Variants in SPAG7 observed in about 807,000 individuals in gnomAD.
SPAG7 encodes sperm-associated antigen 7.
Under a neutral mutation model 30.6 loss-of-function variants are expected in SPAG7, and 20 were observed. That is an observed-to-expected ratio of 0.65 (90% CI 0.46 to 0.95). The LOEUF (loss-of-function observed/expected upper bound fraction) is 0.95. Among genes scored for constraint, SPAG7 ranks in the 40% least tolerant of loss-of-function variants. SPAG7 has a pLI of 0.00. For synonymous variants in SPAG7, 127 were observed against 104.2 expected (o/e 1.22, Z -1.33); for missense variants, 276 against 291.1 (o/e 0.95, Z 0.38).
intron 1 of SPAG7, among the ~76,000 whole-genome samples, chr17:4,964,294 C>T (rs2151148623): frequency 1.3e-5 from 2 of 151,404 alleles, no homozygotes; most frequent in East Asian, 3.9e-4. Flanking sequence ...GTGCATGCTT[C>T]TTCCTACTCC....
At chr17:4,967,658 A>G in intron 1 of SPAG7, 62 bp downstream of exon 1, 1 of 1,288,310 alleles carries the variant, frequency 7.8e-7, no homozygotes, top group Non-Finnish European at 1.1e-6. Context: ...TCGTCCAAAG[A>G]GGGAGAAGTA....
intron 1 of SPAG7, chr17:4,966,829 G>A (rs886530914): frequency 1.0e-6 from 1 of 985,512 alleles, no homozygotes; most frequent in Non-Finnish European, 1.2e-6. Flanking sequence ...AGCGGCCCTT[G>A]AATACTTGGA....
intron 1 of SPAG7, among the ~76,000 whole-genome samples, chr17:4,963,650 G>C (rs528303441): frequency 3.8e-4 from 57 of 151,900 alleles, no homozygotes; most frequent in Non-Finnish European, 7.1e-4. Context: ...GTAGAGATGG[G>C]GTTTCACCAT....
At chr17:4,967,492 G>A (rs144958795) in intron 1 of SPAG7, among the ~76,000 whole-genome samples, 2 of 152,280 alleles carry the variant, frequency 1.3e-5, no homozygotes, top group Non-Finnish European at 2.9e-5. Flanking sequence ...GACTGCGGAA[G>A]GCCAGGGTCG....
At chr17:4,966,980 G>A (rs989512171) in intron 1 of SPAG7, 3 of 985,470 alleles carry the variant, frequency 3.0e-6, no homozygotes, top group South Asian at 9.3e-5. Context: ...AGCAGCCCCG[G>A]GGAGGCTCCC....
At chr17:4,960,646 C>T in intron 2 of SPAG7, 99 bp from the exon 3 acceptor site, 14 of 1,338,648 alleles carry the variant, frequency 1.0e-5, no homozygotes, top group Non-Finnish European at 1.5e-5. Flanking sequence ...CCCCAGCACC[C>T]TCCCCAGCCT....
rs780594411 is a variant in SPAG7 at position 4,960,192 on chromosome 17, T to G, written c.327+42A>C. 19 of 1,604,900 alleles carry G rather than the reference T, an allele frequency of 1.2e-5. No individual in the cohort carries two copies. The Admixed American group carries it at 2.7e-4, about 23-fold the overall frequency. ...CTTGGTCGGGGAGGGGGGATAAGGCTACAAAGGGGAGAGGAGAGAATGAGG... is the reference window on the plus strand; with the variant it reads ...CTTGGTCGGGGAGGGGGGATAAGGCGACAAAGGGGAGAGGAGAGAATGAGG... On this transcript the variant is annotated intron_variant, in intron 4 of 6. Transcript: ENST00000206020.
chr17:4,967,230 A>T, intron 1 of SPAG7: 1 of 996,090 alleles, frequency 1.0e-6, no homozygotes, highest in Non-Finnish European at 1.2e-6. Context: ...GCAAGAACAC[A>T]CAGAGGACCC....
At chr17:4,960,183 G>A (rs1158777097) in intron 4 of SPAG7, 51 bp downstream of exon 4, 15 of 1,600,154 alleles carry the variant, frequency 9.4e-6, no homozygotes, top group Non-Finnish European at 1.1e-5. Context: ...CGGGGAGGGG[G>A]GATAAGGCTA....
Position 4,960,252 on chromosome 17 carries a change from A to G in SPAG7, c.309T>C (p.Tyr103=). Residue 103 remains tyrosine, a synonymous_variant, in exon 4 of 7, where the codon TAT becomes TAC. Coordinates refer to ENST00000206020, the MANE Select transcript of SPAG7 (RefSeq NM_004890.3). ...CCTTTACCTTTTTGAAGATCATGAC[A>G]TAGCGACAGTCATCATCTTCCCCAA... is the stretch of plus-strand genomic sequence containing the variant. ...FSFGEDDDCR[Y]VMIFKKEFAP... is the part of the protein sequence containing the mutation. 1 of 1,614,126 alleles carries G rather than the reference A, an allele frequency of 6.2e-7. No homozygotes were observed. The highest frequency in any genetic ancestry group is 8.5e-7 in the Non-Finnish European group (1 of 1,179,978).
At chr17:4,964,455 G>A (rs557949764) in intron 1 of SPAG7, among the ~76,000 whole-genome samples, 25 of 147,894 alleles carry the variant, frequency 1.7e-4, no homozygotes, top group Admixed American at 1.0e-3. Context: ...TCCGCCTCCC[G>A]GGTTCACGCC....
intron 4 of SPAG7, 56 bp downstream of exon 4, chr17:4,960,178 A>AG (rs747647823): frequency 4.4e-6 from 7 of 1,597,974 alleles, no homozygotes; most frequent in African/African-American, 1.3e-5. Context: ...TTGGTCGGGG[A>AG]GGGGGGATAA....
chr17:4,959,963 C>A, intron 5 of SPAG7, 47 bp from the exon 6 acceptor site: 4 of 1,613,164 alleles, frequency 2.5e-6, no homozygotes, highest in Non-Finnish European at 3.4e-6. Flanking sequence ...CCAGCCCAAA[C>A]CCCCACCCCT....
chr17:4,967,664 A>C (rs1251971744), intron 1 of SPAG7, 56 bp downstream of exon 1: 5 of 1,333,030 alleles, frequency 3.8e-6, no homozygotes, highest in Non-Finnish European at 5.4e-6. Context: ...AAAGAGGGAG[A>C]AGTATGGTCC....
intron 1 of SPAG7, among the ~76,000 whole-genome samples, chr17:4,967,369 A>G (rs1283648611): frequency 6.6e-6 from 1 of 152,162 alleles, no homozygotes; most frequent in Non-Finnish European, 1.5e-5. Flanking sequence ...CCTAAATCCA[A>G]TCGAAATAGA....
At chr17:4,959,680 T>C (rs1281428558) in intron 6 of SPAG7, 37 bp from the exon 7 acceptor site, 26 of 1,613,022 alleles carry the variant, frequency 1.6e-5, no homozygotes, top group African/African-American at 2.7e-5. Context: ...GGCCTAGAAA[T>C]CCGTACCTCA....
intron 1 of SPAG7, among the ~76,000 whole-genome samples, chr17:4,961,950 T>C (rs955939378): frequency 6.6e-6 from 1 of 152,002 alleles, no homozygotes; most frequent in East Asian, 1.9e-4. Flanking sequence ...AAGGGAGAAG[T>C]AGGGACTACT....
intron 1 of SPAG7, among the ~76,000 whole-genome samples, chr17:4,961,247 A>G (rs1239646417): frequency 6.6e-6 from 1 of 152,154 alleles, no homozygotes; most frequent in African/African-American, 2.4e-5. Context: ...TCCTGGGGTC[A>G]GGAGTTCGAG....
intron 6 of SPAG7, 58 bp downstream of exon 6, chr17:4,959,702 C>A (rs781545535): frequency 3.1e-6 from 5 of 1,613,768 alleles, no homozygotes; most frequent in Non-Finnish European, 4.2e-6. Flanking sequence ...CCTCCACTGC[C>A]CTCCTGCCGC....
Sources: allele counts gnomAD v4.1 joint callset (sites outside exome capture counted in the v4.1 genomes callset), GRCh38; gene constraint gnomAD v4.1.1; transcripts MANE v1.5; gene names NCBI Gene and HGNC (gene_info 2026-07-23, HGNC 2026-07-21).